REEP5: variants seen among roughly 807,000 people sequenced by gnomAD.
The protein encoded by REEP5 is receptor expression-enhancing protein 5.
A neutral mutation model predicts 22.4 loss-of-function variants in REEP5; 24 were observed. That is an observed-to-expected ratio of 1.07 (90% CI 0.78 to 1.51). The LOEUF (loss-of-function observed/expected upper bound fraction) is 1.51, where lower values mean the gene tolerates loss of function less well. Among genes scored for constraint, REEP5 ranks in the 40% most tolerant of loss-of-function variants. REEP5 has a pLI of 0.00. For missense variants in REEP5, 252 were observed against 233.0 expected, an observed-to-expected ratio of 1.08 and a Z score of -0.53; for synonymous variants, 103 against 88.6, an observed-to-expected ratio of 1.16 and a Z score of -0.92.
In REEP5 at chr5:112,876,606, G is replaced by A. The variant is rs1463744415; in HGVS notation, c.*2180C>T. 1 of 152,130 alleles carries A rather than the reference G, an allele frequency of 6.6e-6. No homozygotes were observed. The highest frequency in any genetic ancestry group is 1.5e-5 in the Non-Finnish European group (1 of 68,036). 9.4% of individuals were successfully genotyped at this position (152,130 alleles called of 1,614,324 possible). ...CTTGAAGAATTTAAGCTGTTTGGTA[G>A]GAATTCTGTAACTACATACCTTTGA... is the stretch of plus-strand genomic sequence containing the variant. On this transcript the variant is annotated 3_prime_UTR_variant, in exon 5 of 5. Transcript: ENST00000379638.
At chr5:112,904,315 T>C (rs977321870) in intron 2 of REEP5, among the ~76,000 whole-genome samples, 55 of 152,230 alleles carry the variant, frequency 3.6e-4, no homozygotes, top group African/African-American at 1.3e-3. Flanking sequence ...ATATCCTTTA[T>C]GTGTAAGATT....
At position 112,878,572 on chromosome 5, in the gene REEP5, C is replaced by T. The variant is rs951145495; in HGVS notation, c.*214G>A. The T allele has an allele frequency of 4.8e-5, 28 of 586,624 alleles. No individual in the cohort carries two copies. Among genetic ancestry groups the T allele is most frequent in the Non-Finnish European group, 6.1e-5 (22 of 357,960 alleles). The allele number at this position is 586,624 out of a possible 1,614,324, so 36.3% of individuals were successfully genotyped here. A position where few individuals can be genotyped will look rare whatever the true frequency, so the allele number is the denominator to read the frequency against. On this transcript the variant is annotated 3_prime_UTR_variant, in exon 5 of 5. Transcript: ENST00000379638. ...AGAGGCAAAATACATTTTCCAAAAA[C>T]GTGGACACTGCCCACTGCATTAAGT...
Position 112,900,104 on chromosome 5 carries a change from C to T in REEP5, c.351+2276G>A, listed in dbSNP as rs76672540. On this transcript the variant is annotated intron_variant, in intron 3 of 4. Transcript: ENST00000379638. ...TGGGATTTCACTATTTTAACTCACA[C>T]TTCCCACATCACTGGTGAGCTGTTT... is the stretch of plus-strand genomic sequence containing the variant. Among the ~76,000 whole-genome samples, 1,520 of 152,308 alleles carry T rather than the reference C, an allele frequency of 1.0e-2. 27 individuals carry two copies. The highest frequency in any genetic ancestry group is 0.035 in the African/African-American group (1,447 of 41,570).
rs984155115 is a variant in REEP5, at chr5:112,893,397, G to A, written c.352-6214C>T. 5 of 184,900 alleles carry A rather than the reference G, an allele frequency of 2.7e-5. No homozygotes were observed. In the South Asian group the frequency reaches 3.2e-4, roughly 12 times the overall value. The allele number at this position is 184,900 out of a possible 1,614,324, so 11.5% of individuals were successfully genotyped here. On this transcript the variant is annotated intron_variant, in intron 3 of 4. Transcript: ENST00000379638. ...TTCACTCCAGCCTGGGTGACAGAGC[G>A]AGACTGTGTCTCAAAAAATAGAATT...
chr5:112,901,295 A>G (rs1487379374), intron 3 of REEP5, among the ~76,000 whole-genome samples: 1 of 152,194 alleles, frequency 6.6e-6, no homozygotes, highest in Non-Finnish European at 1.5e-5. Flanking sequence ...GGACAAGAAG[A>G]AGAGAGCCAA....
chr5:112,893,594 C>T (rs1415677368), intron 3 of REEP5: 1 of 152,674 alleles, frequency 6.5e-6, no homozygotes, highest in African/African-American at 2.4e-5. Context: ...TCTTGGAAAA[C>T]AGGATCTTCA....
intron 3 of REEP5, among the ~76,000 whole-genome samples, chr5:112,899,403 C>T (rs923617498): frequency 7.2e-5 from 11 of 152,204 alleles, no homozygotes; most frequent in Middle Eastern, 3.4e-3. Flanking sequence ...CCTTGGCCTC[C>T]GAGTATGCTG....
At chr5:112,902,335 T>C (rs1768870804) in intron 3 of REEP5, 45 bp downstream of exon 3, 3 of 1,561,140 alleles carry the variant, frequency 1.9e-6, no homozygotes, top group Non-Finnish European at 2.6e-6. Flanking sequence ...ACTTCTTCTA[T>C]ACAGGTACTG....
intron 2 of REEP5, among the ~76,000 whole-genome samples, chr5:112,917,435 C>CG (rs1769256217): frequency 6.6e-6 from 1 of 151,946 alleles, no homozygotes; most frequent in African/African-American, 2.4e-5. Flanking sequence ...GGTGGCAGCC[C>CG]AAGTCTTAAG....
At chr5:112,916,555 G>A (rs1196504126) in intron 2 of REEP5, among the ~76,000 whole-genome samples, 1 of 152,222 alleles carries the variant, frequency 6.6e-6, no homozygotes, top group Non-Finnish European at 1.5e-5. Flanking sequence ...TATATGATTT[G>A]GGATGACAGT....
At chr5:112,884,271 C>T (rs925622268) in intron 4 of REEP5, among the ~76,000 whole-genome samples, 3 of 152,184 alleles carry the variant, frequency 2.0e-5, no homozygotes, top group Admixed American at 1.3e-4. Flanking sequence ...TCTTCCACCT[C>T]ATCTCCTCCT....
At chr5:112,902,914 T>C (rs1415525045) in intron 2 of REEP5, among the ~76,000 whole-genome samples, 1 of 152,234 alleles carries the variant, frequency 6.6e-6, no homozygotes, top group Admixed American at 6.5e-5. Context: ...TTATGTACTT[T>C]TAATAATTGA....
chr5:112,899,270 T>G (rs1010412017), intron 3 of REEP5, among the ~76,000 whole-genome samples: 1 of 151,700 alleles, frequency 6.6e-6, no homozygotes, highest in East Asian at 1.9e-4. Context: ...CGGTTTTTTT[T>G]TTTTTGGTCA....
chr5:112,878,844 T>C lies in REEP5; in HGVS notation c.521-9A>G. The C allele has an allele frequency of 1.2e-6, 2 of 1,614,000 alleles. No individual in the cohort carries two copies. The highest frequency in any genetic ancestry group is 1.7e-6 in the Non-Finnish European group (2 of 1,179,992). ...CACGGTAGCTTTCTTCGCTGTTTGT[T>C]TGTTAGGAGGGAAAGAAAAATATAT... On this transcript the variant is annotated splice_polypyrimidine_tract_variant and intron_variant, in intron 4 of 4. Transcript: ENST00000379638.
At chr5:112,892,155 G>C in intron 3 of REEP5, 1 of 1,614,156 alleles carries the variant, frequency 6.2e-7, no homozygotes, top group Non-Finnish European at 8.5e-7. Flanking sequence ...TAATGGAGAA[G>C]GATCGAGCTA....
intron 2 of REEP5, among the ~76,000 whole-genome samples, chr5:112,917,889 G>A (rs1580757140): frequency 6.6e-6 from 1 of 152,122 alleles, no homozygotes. Flanking sequence ...TTCCCTTTGG[G>A]GTGATAAAAA....
intron 3 of REEP5, chr5:112,896,361 T>G (rs1195804030): frequency 6.6e-6 from 1 of 151,834 alleles, no homozygotes; most frequent in Non-Finnish European, 1.5e-5. Context: ...CCATCTCTAC[T>G]AAAAATACAA....
intron 2 of REEP5, among the ~76,000 whole-genome samples, chr5:112,916,063 TCTC>T (rs1769226667): frequency 6.6e-6 from 1 of 152,140 alleles, no homozygotes; most frequent in Non-Finnish European, 1.5e-5. Flanking sequence ...TTTCTCAAAG[TCTC>T]CTCTGGGTAA....
At position 112,888,896 on chromosome 5, in the gene REEP5, G is replaced by C. The variant is rs763045957; in HGVS notation, c.352-1713C>G. ...GCTCCCATAATTCTCATGTGTTGTG[G>C]AAAGGACAGGGTGAGAGATAACTGA... On this transcript the variant is annotated intron_variant, in intron 3 of 4. Coordinates refer to ENST00000379638, the MANE Select transcript of REEP5 (RefSeq NM_005669.5). 2.0e-5 allele frequency among the ~76,000 whole-genome samples: 3 copies of C among 150,744 alleles called. 1 individual carries two copies. The highest frequency in any genetic ancestry group is 4.4e-5 in the Non-Finnish European group (3 of 68,024).
Sources: allele counts gnomAD v4.1 joint callset (sites outside exome capture counted in the v4.1 genomes callset), GRCh38; gene constraint gnomAD v4.1.1; transcripts MANE v1.5; gene names NCBI Gene and HGNC (gene_info 2026-07-23, HGNC 2026-07-21).